Variants in DENND1A observed in about 807,000 individuals in gnomAD.
DENND1A encodes the protein DENN domain containing 1A, also known as DENN domain-containing protein 1A.
DENND1A carries 51 observed loss-of-function variants against 113.7 expected under a neutral mutation model. The observed-to-expected ratio is 0.45, with a 90% CI of 0.36 to 0.57. The LOEUF (loss-of-function observed/expected upper bound fraction) is 0.57. Ranked by LOEUF, DENND1A falls within the 20% of genes least tolerant of loss-of-function variation. DENND1A has a pLI of 0.00. For missense variants in DENND1A, 1,258 were observed against 1,395.9 expected (o/e 0.90, Z 1.57); for synonymous variants, 565 against 570.8 (o/e 0.99, Z 0.14).
At chr9:123,925,337 A>G (rs1403995302) in intron 1 of DENND1A, among the ~76,000 whole-genome samples, 1 of 152,022 alleles carries the variant, frequency 6.6e-6, no homozygotes, top group East Asian at 1.9e-4. Flanking sequence ...CTGAAACATG[A>G]TCCCCTTGGT....
intron 5 of DENND1A, chr9:123,736,579 T>C (rs1564167113): frequency 6.6e-6 from 1 of 152,018 alleles, no homozygotes; most frequent in Non-Finnish European, 1.5e-5. Context: ...TACAATTACA[T>C]TTTTTTTAGA....
chr9:123,686,442 G>C (rs2064816908), intron 5 of DENND1A, among the ~76,000 whole-genome samples: 1 of 152,186 alleles, frequency 6.6e-6, no homozygotes, highest in African/African-American at 2.4e-5. Flanking sequence ...TGCTTGATAA[G>C]ATAAAGGAAA....
chr9:123,429,062 A>G (rs2045947204), intron 19 of DENND1A, among the ~76,000 whole-genome samples: 1 of 152,224 alleles, frequency 6.6e-6, no homozygotes, highest in Non-Finnish European at 1.5e-5. Flanking sequence ...TATAGAACCA[A>G]AAAAGAGCCC....
chr9:123,908,564 A>C (rs1275111483), intron 1 of DENND1A, among the ~76,000 whole-genome samples: 2 of 148,346 alleles, frequency 1.3e-5, no homozygotes, highest in Non-Finnish European at 3.0e-5. Flanking sequence ...TCTCAAAAGA[A>C]GACATTTATG....
intron 13 of DENND1A, among the ~76,000 whole-genome samples, chr9:123,500,739 G>GT (rs2052404831): frequency 6.6e-6 from 1 of 152,212 alleles, no homozygotes; most frequent in Non-Finnish European, 1.5e-5. Flanking sequence ...TAGGAGCTCA[G>GT]TAACACACAA....
chr9:123,852,112 G>C (rs1041949600), intron 2 of DENND1A, among the ~76,000 whole-genome samples: 1 of 152,184 alleles, frequency 6.6e-6, no homozygotes, highest in African/African-American at 2.4e-5. Flanking sequence ...GTTATCTTCT[G>C]CCTGTCCCGC....
In DENND1A at chr9:123,379,671, T is replaced by C. The variant is rs2042178654; in HGVS notation, c.*1761A>G. 6.6e-6 allele frequency: 1 copy of C among 152,094 alleles called. No individual in the cohort carries two copies. The highest frequency in any genetic ancestry group is 6.5e-5 in the Admixed American group (1 of 15,288). The allele number at this position is 152,094 out of a possible 1,614,324, so 9.4% of individuals were successfully genotyped here. A position where few individuals can be genotyped will look rare whatever the true frequency, so the allele number is the denominator to read the frequency against. ...GATGCCAGCCTCTTCCCCAAGATGATTTTATTGAATGCACACAAAGTTCAT... is the reference window on the plus strand; with the variant it reads ...GATGCCAGCCTCTTCCCCAAGATGACTTTATTGAATGCACACAAAGTTCAT... On this transcript the variant is annotated 3_prime_UTR_variant, in exon 24 of 24. Coordinates refer to ENST00000394215, the MANE Select transcript of DENND1A (RefSeq NM_001352964.2).
intron 21 of DENND1A, chr9:123,400,400 C>T (rs902039219): frequency 9.9e-5 from 15 of 152,108 alleles, no homozygotes; most frequent in African/African-American, 3.4e-4. Flanking sequence ...AATGAATGCA[C>T]GAATGGACAG....
At chr9:123,872,869 C>T (rs963435279) in intron 2 of DENND1A, among the ~76,000 whole-genome samples, 4 of 152,134 alleles carry the variant, frequency 2.6e-5, no homozygotes, top group Admixed American at 2.0e-4. Flanking sequence ...ATTAAAGACC[C>T]ATAAAGTAGT....
chr9:123,457,759 A>AGCCAGACCCAG (rs2048240299), intron 14 of DENND1A, 34 bp downstream of exon 14: 1 of 1,566,870 alleles, frequency 6.4e-7, no homozygotes, highest in East Asian at 2.3e-5. Context: ...CCCGCCAGGG[A>AGCCAGACCCAG]GCCAGACCCA....
chr9:123,721,049 T>C (rs2067300396), intron 5 of DENND1A, among the ~76,000 whole-genome samples: 1 of 152,196 alleles, frequency 6.6e-6, no homozygotes, highest in Non-Finnish European at 1.5e-5. Context: ...ACCTGCTTGC[T>C]CACTTACTCT....
intron 2 of DENND1A, among the ~76,000 whole-genome samples, chr9:123,820,304 T>C (rs1436214601): frequency 2.0e-5 from 3 of 152,222 alleles, no homozygotes; most frequent in Non-Finnish European, 4.4e-5. Flanking sequence ...AACCATGGAA[T>C]ACAGCAGGAA....
At chr9:123,728,081 G>A (rs1306053389) in intron 5 of DENND1A, among the ~76,000 whole-genome samples, 1 of 151,704 alleles carries the variant, frequency 6.6e-6, no homozygotes, top group African/African-American at 2.4e-5. Flanking sequence ...ACTCCAGCCT[G>A]GGCAACAGAG....
At chr9:123,619,667 C>G (rs1315543560) in intron 10 of DENND1A, among the ~76,000 whole-genome samples, 1 of 152,108 alleles carries the variant, frequency 6.6e-6, no homozygotes, top group East Asian at 1.9e-4. Context: ...AAGCAATCTG[C>G]CCACCTCCCA....
intron 13 of DENND1A, among the ~76,000 whole-genome samples, chr9:123,498,024 T>TA (rs2134153343): frequency 6.6e-6 from 1 of 152,328 alleles, no homozygotes; most frequent in South Asian, 2.1e-4. Context: ...TGAAGAAAGA[T>TA]ATGCGCAATT....
intron 13 of DENND1A, among the ~76,000 whole-genome samples, chr9:123,548,483 G>A (rs192573481): frequency 7.2e-5 from 11 of 152,228 alleles, no homozygotes; most frequent in East Asian, 5.8e-4. Context: ...ACAAAAGCAC[G>A]GACTCTGTGA....
chr9:123,874,872 G>A (rs918409647), intron 2 of DENND1A, among the ~76,000 whole-genome samples: 2 of 152,190 alleles, frequency 1.3e-5, no homozygotes. Flanking sequence ...AGTATGGCAT[G>A]ATTCAGTAAT....
chr9:123,464,606 G>A (rs1314621199), intron 13 of DENND1A, among the ~76,000 whole-genome samples: 1 of 152,000 alleles, frequency 6.6e-6, no homozygotes, highest in Non-Finnish European at 1.5e-5. Context: ...TTTTTAATGG[G>A]TACTGAGTTT....
chr9:123,796,673 C>T (rs939443024), intron 2 of DENND1A, among the ~76,000 whole-genome samples: 5 of 151,620 alleles, frequency 3.3e-5, no homozygotes, highest in African/African-American at 1.2e-4. Flanking sequence ...AGATCTTTTA[C>T]AACAGAAATG....
Sources: gnomAD v4.1 joint callset for allele counts (sites outside exome capture counted in the v4.1 genomes callset) on GRCh38, gnomAD v4.1.1 for gene constraint, MANE v1.5 for transcripts, NCBI Gene and HGNC (gene_info 2026-07-23, HGNC 2026-07-21) for gene names.